The following TF variants were observed in gnomAD, a reference collection of about 807,000 sequenced individuals.
The protein encoded by TF is transferrin, also known as serotransferrin.
Under a neutral mutation model 82.4 loss-of-function variants are expected in TF, and 55 were observed. The ratio of observed to expected loss-of-function variants is 0.67; its 90% CI spans 0.54 to 0.84. The LOEUF (loss-of-function observed/expected upper bound fraction) is 0.84, where lower values mean the gene tolerates loss of function less well. Among genes scored for constraint, TF ranks in the 40% least tolerant of loss-of-function variants. TF has a pLI of 0.00. For missense variants in TF, 737 were observed against 868.4 expected, an observed-to-expected ratio of 0.85 and a Z score of 1.90; for synonymous variants, 332 against 332.6, an observed-to-expected ratio of 1.00 and a Z score of 0.02.
intron 16 of TF, 148 bp downstream of exon 16, chr3:133,777,386 G>T: frequency 2.7e-6 from 2 of 750,050 alleles, no homozygotes; most frequent in Non-Finnish European, 4.5e-6. Flanking sequence ...TCTAAGCCCG[G>T]CATGTATGAC....
At chr3:133,675,998 G>A in the TF span, among the ~76,000 whole-genome samples, 1 of 152,102 alleles carries the variant, frequency 6.6e-6, no homozygotes. Context: ...TTTCCCCCTG[G>A]GGCTTAAGGG....
the TF span, among the ~76,000 whole-genome samples, chr3:133,718,341 A>T: frequency 6.6e-6 from 1 of 152,112 alleles, no homozygotes; most frequent in Non-Finnish European, 1.5e-5. Context: ...CCTGGTGAGG[A>T]CATGTTTGCT....
chr3:133,673,347 T>C, the TF span, among the ~76,000 whole-genome samples: 22,599 of 152,186 alleles, frequency 0.15, 1,909 homozygotes, highest in Non-Finnish European at 0.2. Flanking sequence ...GCAAGATCAC[T>C]GGATTCAAGG....
chr3:133,664,333 C>CT, the TF span, among the ~76,000 whole-genome samples: 7 of 150,544 alleles, frequency 4.6e-5, no homozygotes, highest in East Asian at 5.8e-4. Context: ...CTTTTTTTTT[C>CT]TTTTTTTTGA....
At chr3:133,733,823 C>A in the TF span, among the ~76,000 whole-genome samples, 1 of 151,884 alleles carries the variant, frequency 6.6e-6, no homozygotes, top group East Asian at 1.9e-4. Flanking sequence ...TCTTTCATTT[C>A]CCTGCCTTTC....
At chr3:133,712,051 G>A in the TF span, among the ~76,000 whole-genome samples, 379 of 152,104 alleles carry the variant, frequency 2.5e-3, 5 homozygotes, top group Non-Finnish European at 1.4e-3. Flanking sequence ...CTGACCCCTA[G>A]GGCTGCAAGG....
the TF span, among the ~76,000 whole-genome samples, chr3:133,728,005 G>A: frequency 1.3e-5 from 2 of 152,152 alleles, no homozygotes; most frequent in Non-Finnish European, 2.9e-5. Context: ...TGGCTGGCAG[G>A]GTTTCTGCTG....
At chr3:133,736,371 C>T in the TF span, among the ~76,000 whole-genome samples, 2 of 152,070 alleles carry the variant, frequency 1.3e-5, no homozygotes, top group Non-Finnish European at 2.9e-5. Context: ...TAAAGACCAT[C>T]AACACTATGA....
the TF span, among the ~76,000 whole-genome samples, chr3:133,740,130 A>G: frequency 1.3e-5 from 2 of 152,230 alleles, no homozygotes; most frequent in Non-Finnish European, 2.9e-5. Flanking sequence ...TGGCACATAT[A>G]CACGATGGAA....
At chr3:133,727,005 G>T in the TF span, among the ~76,000 whole-genome samples, 1 of 152,068 alleles carries the variant, frequency 6.6e-6, no homozygotes, top group Non-Finnish European at 1.5e-5. Flanking sequence ...TAGTTTGATT[G>T]CGCTGTGGTC....
At chr3:133,670,347 G>T in the TF span, among the ~76,000 whole-genome samples, 3 of 152,174 alleles carry the variant, frequency 2.0e-5, no homozygotes, top group Non-Finnish European at 4.4e-5. Flanking sequence ...GACCATCTTT[G>T]CCGTGAAGTT....
chr3:133,775,002 T>TC (rs1934350585), intron 14 of TF: 2 of 338,344 alleles, frequency 5.9e-6, no homozygotes, highest in African/African-American at 4.3e-5. Context: ...CTGGTGCAGA[T>TC]TCCAAAGGTG....
At chr3:133,676,355 A>C in the TF span, among the ~76,000 whole-genome samples, 1 of 152,152 alleles carries the variant, frequency 6.6e-6, no homozygotes, top group Admixed American at 6.5e-5. Context: ...ATCTGCACAT[A>C]AATGCAAGGG....
At chr3:133,732,528 T>G in the TF span, among the ~76,000 whole-genome samples, 2 of 152,206 alleles carry the variant, frequency 1.3e-5, no homozygotes, top group African/African-American at 4.8e-5. Context: ...CTCCGGTTCC[T>G]TTTCACAGTG....
At chr3:133,724,217 T>A in the TF span, among the ~76,000 whole-genome samples, 1 of 152,258 alleles carries the variant, frequency 6.6e-6, no homozygotes, top group Non-Finnish European at 1.5e-5. Flanking sequence ...TCTAGATCCC[T>A]GAGGAATTGC....
At chr3:133,680,025 A>G in the TF span, among the ~76,000 whole-genome samples, 4 of 152,028 alleles carry the variant, frequency 2.6e-5, no homozygotes, top group Non-Finnish European at 4.4e-5. Context: ...ATCAATCTCT[A>G]TGTGATTTTA....
chr3:133,708,897 T>A, the TF span, among the ~76,000 whole-genome samples: 1 of 151,998 alleles, frequency 6.6e-6, no homozygotes, highest in Non-Finnish European at 1.5e-5. Flanking sequence ...AAGCACTATT[T>A]TAAGCAGGAA....
At chr3:133,681,493 C>T in the TF span, among the ~76,000 whole-genome samples, 3 of 152,226 alleles carry the variant, frequency 2.0e-5, no homozygotes, top group African/African-American at 7.2e-5. Context: ...AATCGGGTCA[C>T]TCCCACCCTA....
the TF span, among the ~76,000 whole-genome samples, chr3:133,723,820 C>A: frequency 6.6e-6 from 1 of 151,780 alleles, no homozygotes; most frequent in Non-Finnish European, 1.5e-5. Flanking sequence ...CCCACCCCAC[C>A]ACAGTCCCCA....
Sources: allele counts gnomAD v4.1 joint callset (sites outside exome capture counted in the v4.1 genomes callset), GRCh38; gene constraint gnomAD v4.1.1; transcripts MANE v1.5; gene names NCBI Gene and HGNC (gene_info 2026-07-23, HGNC 2026-07-21).